SLC15A5: variants seen among roughly 807,000 people sequenced by gnomAD.
SLC15A5 encodes the protein solute carrier family 15 member 5.
SLC15A5 carries 58 observed loss-of-function variants against 56.1 expected under a neutral mutation model. The observed-to-expected ratio is 1.03, with a 90% confidence interval of 0.84 to 1.29. The LOEUF is 1.29. Ranked by LOEUF, SLC15A5 falls within the 50% of genes most tolerant of loss-of-function variation. SLC15A5 has a pLI of 0.00. For synonymous variants in SLC15A5, 264 were observed against 250.5 expected, an observed-to-expected ratio of 1.05 and a Z score of -0.51; for missense variants, 681 against 672.1, an observed-to-expected ratio of 1.01 and a Z score of -0.15.
At chr12:16,277,299 CA>C in intron 1 of SLC15A5, 25 bp downstream of exon 1, 1 of 1,454,808 alleles carries the variant, frequency 6.9e-7, no homozygotes. Context: ...AGTCACAAAA[CA>C]ATCCAGTCAG....
chr12:16,257,857 T>C lies in SLC15A5; in HGVS notation c.598A>G (p.Met200Val). 1 of 1,494,780 alleles carries C rather than the reference T, an allele frequency of 6.7e-7. No individual in the cohort carries two copies. The highest frequency in any genetic ancestry group is 8.8e-7 in the Non-Finnish European group (1 of 1,132,148). 92.6% of individuals were successfully genotyped at this position (1,494,780 alleles called of 1,614,324 possible). ...MSFFNWFYWL[M>V]NLNATIVFLG... is the part of the protein sequence containing the mutation. ...AACACAATAGTTGCATTTAGGTTCA[T>C]GAGCCAATAAAACCTGGGGTATACA... The change falls in exon 3 of 9, where the codon ATG becomes GTG. Residue 200 changes from methionine to valine, a missense_variant. Coordinates refer to ENST00000344941, the MANE Select transcript of SLC15A5 (RefSeq NM_001170798.1).
intron 2 of SLC15A5, among the ~76,000 whole-genome samples, chr12:16,265,180 T>C (rs906140607): frequency 1.2e-4 from 18 of 152,166 alleles, no homozygotes; most frequent in African/African-American, 4.1e-4. Flanking sequence ...AAATCACAGC[T>C]ATTGTAGCAA....
In SLC15A5 at chr12:16,271,218, A is replaced by G. The variant is rs1864751662; in HGVS notation, c.584+1343T>C. ...TCATTCATATAATGTCTCCTTTGTA[A>G]TCAACACTGAGAAATGTCACTTTGA... On this transcript the variant is annotated intron_variant, in intron 2 of 8. Transcript: ENST00000344941. This position sits in a 1 kb window ranked among gnomAD's most constrained non-coding sequence, Gnocchi z 8.0. Among the ~76,000 whole-genome samples, 1 of 152,088 alleles carries G rather than the reference A, an allele frequency of 6.6e-6. No homozygotes were observed. Among genetic ancestry groups the G allele is most frequent in the Admixed American group, 6.6e-5 (1 of 15,240 alleles).
intron 6 of SLC15A5, among the ~76,000 whole-genome samples, chr12:16,224,051 A>G (rs865960439): frequency 1.2e-4 from 19 of 152,004 alleles, no homozygotes; most frequent in African/African-American, 4.6e-4. Flanking sequence ...CGGGGAGGTG[A>G]GAGGAGGGAA....
chr12:16,272,436 T>C, intron 2 of SLC15A5, 125 bp downstream of exon 2: 1 of 870,746 alleles, frequency 1.1e-6, no homozygotes, highest in Non-Finnish European at 1.8e-6. Context: ...TCATCACAGA[T>C]TCATCACATC....
intron 7 of SLC15A5, among the ~76,000 whole-genome samples, chr12:16,201,932 A>G (rs1206715191): frequency 6.6e-6 from 1 of 152,136 alleles, no homozygotes; most frequent in East Asian, 1.9e-4. Flanking sequence ...GAAATTGGAC[A>G]CTTATACCAG....
At chr12:16,192,196 TAGCATGCC>T (rs1863844207) in intron 8 of SLC15A5, among the ~76,000 whole-genome samples, 1 of 152,106 alleles carries the variant, frequency 6.6e-6, no homozygotes, top group South Asian at 2.1e-4. Flanking sequence ...TGTGTGTGTA[TAGCATGCC>T]ACCCAAGAAA....
At chr12:16,251,217 G>T (rs151240143) in intron 3 of SLC15A5, among the ~76,000 whole-genome samples, 7 of 151,790 alleles carry the variant, frequency 4.6e-5, no homozygotes, top group African/African-American at 1.7e-4. Context: ...AGTTTATAAT[G>T]GCAAATGTTT....
chr12:16,195,065 A>G (rs1008155773), intron 7 of SLC15A5, among the ~76,000 whole-genome samples: 1 of 152,046 alleles, frequency 6.6e-6, no homozygotes, highest in African/African-American at 2.4e-5. Context: ...TCAATTTGAT[A>G]CCACCAAATA....
chr12:16,223,337 A>AG (rs1330808562), intron 6 of SLC15A5, among the ~76,000 whole-genome samples: 5 of 152,280 alleles, frequency 3.3e-5, no homozygotes, highest in Admixed American at 3.3e-4. Context: ...TATCCATAAA[A>AG]TATAATGGGA....
At chr12:16,272,352 G>A (rs1864768757) in intron 2 of SLC15A5, among the ~76,000 whole-genome samples, 1 of 152,124 alleles carries the variant, frequency 6.6e-6, no homozygotes, top group Admixed American at 6.6e-5. Context: ...GTGTCCGCGT[G>A]TGTTGGGAAG....
chr12:16,220,340 C>T (rs760453675), intron 6 of SLC15A5, among the ~76,000 whole-genome samples: 33 of 152,124 alleles, frequency 2.2e-4, no homozygotes, highest in Admixed American at 1.4e-3. Context: ...CTCTCTGGTA[C>T]TACTTCTGCC....
chr12:16,207,385 A>G (rs540066753), intron 7 of SLC15A5, among the ~76,000 whole-genome samples: 19 of 152,228 alleles, frequency 1.2e-4, no homozygotes, highest in Non-Finnish European at 2.6e-4. Flanking sequence ...TAATGATTTC[A>G]TAATTTTAGA....
intron 2 of SLC15A5, among the ~76,000 whole-genome samples, chr12:16,264,398 G>T (rs1053625645): frequency 1.1e-4 from 17 of 152,328 alleles, no homozygotes; most frequent in African/African-American, 4.1e-4. Context: ...TATCTAGGAA[G>T]TAACTAAATT....
intron 7 of SLC15A5, among the ~76,000 whole-genome samples, chr12:16,197,965 A>T (rs1221343536): frequency 6.6e-6 from 1 of 152,104 alleles, no homozygotes; most frequent in Non-Finnish European, 1.5e-5. Flanking sequence ...TGAAGACTTG[A>T]GGTCTAGAAT....
At chr12:16,263,867 A>T (rs1864666905) in intron 2 of SLC15A5, among the ~76,000 whole-genome samples, 1 of 152,182 alleles carries the variant, frequency 6.6e-6, no homozygotes, top group Admixed American at 6.5e-5. Context: ...GAGGTTTGGG[A>T]ACCTCCACCT....
chr12:16,209,034 T>C (rs1350094654), intron 7 of SLC15A5, among the ~76,000 whole-genome samples: 3 of 129,334 alleles, frequency 2.3e-5, no homozygotes, highest in African/African-American at 8.5e-5. Context: ...TTTTTTTTTT[T>C]CATGTACTGG....
intron 8 of SLC15A5, among the ~76,000 whole-genome samples, chr12:16,190,643 T>TA (rs1282824172): frequency 6.6e-6 from 1 of 152,134 alleles, no homozygotes; most frequent in African/African-American, 2.4e-5. Context: ...CACATACACA[T>TA]AAGTTTCAAA....
chr12:16,206,051 T>C (rs1282400757), intron 7 of SLC15A5, among the ~76,000 whole-genome samples: 1 of 152,200 alleles, frequency 6.6e-6, no homozygotes, highest in Non-Finnish European at 1.5e-5. Context: ...CGCCTTCTAC[T>C]TCACTATGTG....
Sources: gnomAD v4.1 joint callset for allele counts (sites outside exome capture counted in the v4.1 genomes callset) on GRCh38, gnomAD v4.1.1 for gene constraint, Gnocchi (gnomAD v3.1) non-coding constraint, MANE v1.5 for transcripts, NCBI Gene and HGNC (gene_info 2026-07-23, HGNC 2026-07-21) for gene names.